The following RFC3 variants were observed in gnomAD, a reference collection of about 807,000 sequenced individuals.
RFC3 encodes the protein A1 38 kDa subunit.
RFC3 carries 41 observed loss-of-function variants against 45.1 expected under a neutral mutation model. That is an observed-to-expected ratio of 0.91 (90% CI 0.71 to 1.18). The LOEUF (loss-of-function observed/expected upper bound fraction) is 1.18. Among genes scored for constraint, RFC3 ranks in the 50% most tolerant of loss-of-function variants. The pLI is 0.00. For missense variants in RFC3, 423 were observed against 428.1 expected (o/e 0.99, Z 0.10); for synonymous variants, 149 against 144.0 (o/e 1.03, Z -0.25).
At chr13:33,852,675 G>A (rs1366766171) in intron 8 of RFC3, among the ~76,000 whole-genome samples, 1 of 152,120 alleles carries the variant, frequency 6.6e-6, no homozygotes, top group Non-Finnish European at 1.5e-5. Flanking sequence ...AATGTATTGA[G>A]TATAATAGTT....
chr13:33,933,428 C>A (rs2082865113), intron 8 of RFC3, among the ~76,000 whole-genome samples: 1 of 152,130 alleles, frequency 6.6e-6, no homozygotes, highest in East Asian at 1.9e-4. Context: ...TTTTTGTTAT[C>A]ATGGGTTCTA....
chr13:33,957,630 A>G (rs144170175), intron 8 of RFC3, among the ~76,000 whole-genome samples: 8 of 152,316 alleles, frequency 5.3e-5, no homozygotes, highest in Non-Finnish European at 1.0e-4. Context: ...AGCCAAGTAC[A>G]TAACTGTGAG....
intron 8 of RFC3, among the ~76,000 whole-genome samples, chr13:33,936,200 A>G (rs1487062576): frequency 6.6e-6 from 1 of 152,132 alleles, no homozygotes; most frequent in Non-Finnish European, 1.5e-5. Context: ...AAGTGTAATC[A>G]CTGGGCAGAT....
chr13:33,891,091 C>T (rs192958584), intron 8 of RFC3, among the ~76,000 whole-genome samples: 1 of 152,192 alleles, frequency 6.6e-6, no homozygotes, highest in East Asian at 1.9e-4. Flanking sequence ...GTCATCACTA[C>T]TTAAAATAAC....
intron 8 of RFC3, among the ~76,000 whole-genome samples, chr13:33,881,828 C>G (rs2082486933): frequency 6.6e-6 from 1 of 152,106 alleles, no homozygotes; most frequent in Admixed American, 6.5e-5. Flanking sequence ...GTTCTTCTAT[C>G]TACTTAAATG....
chr13:33,914,532 A>C (rs1046729564), intron 8 of RFC3, among the ~76,000 whole-genome samples: 3 of 152,148 alleles, frequency 2.0e-5, no homozygotes, highest in African/African-American at 7.2e-5. Flanking sequence ...GCTTCTGTCA[A>C]TCAAGCACAA....
At chr13:33,861,422 GT>G (rs905271618) in intron 8 of RFC3, among the ~76,000 whole-genome samples, 46 of 152,260 alleles carry the variant, frequency 3.0e-4, no homozygotes, top group African/African-American at 9.9e-4. Flanking sequence ...GAGGTCAGGA[GT>G]TTGAGACCAG....
intron 8 of RFC3, among the ~76,000 whole-genome samples, chr13:33,886,217 G>A (rs1284538606): frequency 6.6e-6 from 1 of 152,084 alleles, no homozygotes; most frequent in Admixed American, 6.6e-5. Context: ...CCACATGCCT[G>A]AACTACCCTA....
intron 8 of RFC3, among the ~76,000 whole-genome samples, chr13:33,937,501 A>G (rs1387667078): frequency 6.6e-6 from 1 of 152,168 alleles, no homozygotes; most frequent in Non-Finnish European, 1.5e-5. Flanking sequence ...GAAAGGTCAA[A>G]TGAATTAATT....
At chr13:33,845,715 G>T (rs1174717144) in intron 8 of RFC3, among the ~76,000 whole-genome samples, 1 of 152,158 alleles carries the variant, frequency 6.6e-6, no homozygotes, top group African/African-American at 2.4e-5. Context: ...CCTCAAAACA[G>T]CTGTTTGGAA....
intron 8 of RFC3, chr13:33,848,152 A>G (rs1396412463): frequency 6.6e-6 from 1 of 152,230 alleles, no homozygotes; most frequent in Non-Finnish European, 1.5e-5. Flanking sequence ...CTTCAGAGAC[A>G]TCTCAAACTG....
intron 8 of RFC3, among the ~76,000 whole-genome samples, chr13:33,858,324 G>A (rs1003256050): frequency 6.6e-6 from 1 of 152,116 alleles, no homozygotes; most frequent in Non-Finnish European, 1.5e-5. Context: ...GTACCACACC[G>A]CATTTGGTAG....
At chr13:33,917,379 T>A (rs570730834) in intron 8 of RFC3, among the ~76,000 whole-genome samples, 1 of 152,280 alleles carries the variant, frequency 6.6e-6, no homozygotes, top group Admixed American at 6.5e-5. Context: ...TGAGCTAATT[T>A]TAGGACCTGG....
intron 8 of RFC3, among the ~76,000 whole-genome samples, chr13:33,877,580 G>T (rs1194890948): frequency 6.6e-6 from 1 of 151,774 alleles, no homozygotes; most frequent in African/African-American, 2.4e-5. Context: ...CCACTACTTT[G>T]TCTGATGTTT....
chr13:33,956,992 TTATC>T (rs946084890), intron 8 of RFC3, among the ~76,000 whole-genome samples: 1 of 152,200 alleles, frequency 6.6e-6, no homozygotes, highest in African/African-American at 2.4e-5. Context: ...CATCTAACAT[TTATC>T]TACCTACTAT....
chr13:33,969,386 T>A (rs1330084817), downstream of RFC3, among the ~76,000 whole-genome samples: 1 of 152,208 alleles, frequency 6.6e-6, no homozygotes, highest in Non-Finnish European at 1.5e-5. Context: ...CTACAGAAAC[T>A]GGGAGCCTTT....
chr13:33,863,681 A>G (rs1427952961), intron 8 of RFC3, among the ~76,000 whole-genome samples: 1 of 152,184 alleles, frequency 6.6e-6, no homozygotes, highest in Non-Finnish European at 1.5e-5. Flanking sequence ...CTTGCTTGAT[A>G]CTGCGTGGAT....
intron 8 of RFC3, among the ~76,000 whole-genome samples, chr13:33,942,766 T>TA (rs2082932771): frequency 6.6e-6 from 1 of 152,170 alleles, no homozygotes; most frequent in South Asian, 2.1e-4. Flanking sequence ...ATTTTTTTTT[T>TA]ATCACGTTAG....
chr13:33,937,779 G>T (rs1593705206), intron 8 of RFC3, among the ~76,000 whole-genome samples: 1 of 152,222 alleles, frequency 6.6e-6, no homozygotes, highest in East Asian at 1.9e-4. Flanking sequence ...ATGCTAAGTG[G>T]CTGCCTGAGA....
Sources: gnomAD v4.1 joint callset for allele counts (sites outside exome capture counted in the v4.1 genomes callset) on GRCh38, gnomAD v4.1.1 for gene constraint, MANE v1.5 for transcripts, NCBI Gene and HGNC (gene_info 2026-07-23, HGNC 2026-07-21) for gene names.